LRRC66: variants seen among roughly 807,000 people sequenced by gnomAD.
LRRC66 encodes leucine rich repeat containing 66.
In LRRC66, 29 loss-of-function variants were observed where a neutral mutation model predicts 24.6. The observed-to-expected ratio is 1.18, with a 90% CI of 0.88 to 1.61. The LOEUF is 1.61. Ranked by LOEUF, LRRC66 falls within the 40% of genes most tolerant of loss-of-function variation. LRRC66 has a pLI of 0.00. For synonymous variants in LRRC66, 411 were observed against 397.6 expected (o/e 1.03, Z -0.40); for missense variants, 1,124 against 1,058.0 (o/e 1.06, Z -0.87).
intron 2 of LRRC66, among the ~76,000 whole-genome samples, chr4:52,009,962 A>C (rs1736664112): frequency 6.6e-6 from 1 of 152,200 alleles, no homozygotes; most frequent in South Asian, 2.1e-4. Context: ...AATTGAATCC[A>C]AAATATATAA....
In LRRC66 at chr4:52,013,427, G is replaced by C. The variant is rs116139447; in HGVS notation, c.496+3691C>G. Among the ~76,000 whole-genome samples the C allele has an allele frequency of 8.2e-3, 1,249 of 152,270 alleles. 7 individuals carry two copies. The highest frequency in any genetic ancestry group is 0.013 in the Non-Finnish European group (915 of 68,014). On this transcript the variant is annotated intron_variant, in intron 2 of 4. Transcript: ENST00000682860. ...GGAATCCCAACAAGATGTTGTTCCT[G>C]CTGCATTTCCAGTTACTCTGTGAGC... is the stretch of plus-strand genomic sequence containing the variant.
intron 2 of LRRC66, among the ~76,000 whole-genome samples, chr4:52,009,732 T>G (rs1015013558): frequency 2.0e-5 from 3 of 152,136 alleles, no homozygotes; most frequent in Non-Finnish European, 4.4e-5. Context: ...CCTGTTCAGA[T>G]AGCTTCACTG....
chr4:52,003,491 A>G, intron 2 of LRRC66, 99 bp from the exon 3 acceptor site: 1 of 978,208 alleles, frequency 1.0e-6, no homozygotes, highest in Non-Finnish European at 1.5e-6. Context: ...AAGAGTTCTC[A>G]ATTGAGGTAT....
intron 2 of LRRC66, among the ~76,000 whole-genome samples, chr4:52,015,119 G>A (rs1578118853): frequency 6.6e-6 from 1 of 152,128 alleles, no homozygotes; most frequent in Middle Eastern, 3.4e-3. Flanking sequence ...CTTGTGGTGG[G>A]GTAATATTTT....
At chr4:52,011,743 G>A (rs1178881323) in intron 2 of LRRC66, among the ~76,000 whole-genome samples, 1 of 152,164 alleles carries the variant, frequency 6.6e-6, no homozygotes, top group Non-Finnish European at 1.5e-5. Flanking sequence ...TTATAGTCTT[G>A]ATGCACACTG....
chr4:51,995,170 TCTGCGAGTC>T lies in LRRC66; in HGVS notation c.1843_1851del (p.Asp615_Gln617del), dbSNP rs1265842212. 1 of 1,614,236 alleles carries T rather than the reference TCTGCGAGTC, an allele frequency of 6.2e-7. No individual in the cohort carries two copies. The highest frequency in any genetic ancestry group is 1.7e-5 in the Admixed American group (1 of 60,022). On this transcript the variant is annotated inframe_deletion, in exon 5 of 5. Coordinates refer to ENST00000682860, the MANE Select transcript of LRRC66 (RefSeq NM_001024611.3). ...ACTTGCCTTTCCTTAGAAAATTCCA[TCTGCGAGTC>T]CCAAAGTGACTGTTCAGTGCCCCCT...
rs531895592 is a variant in LRRC66, at chr4:51,995,043, T to G, written c.1979A>C (p.Asp660Ala). ...GACTGATGGGCCTGTGTCTCTTGGG[T>G]CACCGTATGGAACCTCGCTGTAGTG... ...SAHYSEVPYGDPRDTGPSVFP... is the reference protein window; with the variant it reads ...SAHYSEVPYGAPRDTGPSVFP... The change falls in exon 5 of 5, where the codon GAC becomes GCC. Residue 660 changes from aspartate (D) to alanine (A), a missense_variant. Physicochemically the swap from Asp to Ala is moderately radical, Grantham distance 126. Coordinates refer to ENST00000682860, the MANE Select transcript of LRRC66 (RefSeq NM_001024611.3). The G allele has an allele frequency of 6.2e-7, 1 of 1,614,076 alleles. No homozygotes were observed. The highest frequency in any genetic ancestry group is 1.3e-5 in the African/African-American group (1 of 75,032).
rs965046799 is a variant in LRRC66, at chr4:51,995,822, A to G, written c.1200T>C (p.Tyr400=). 1 of 1,614,060 alleles carries G rather than the reference A, an allele frequency of 6.2e-7. No homozygotes were observed. The highest frequency in any genetic ancestry group is 8.5e-7 in the Non-Finnish European group (1 of 1,180,036). The change falls in exon 5 of 5, where the codon TAT becomes TAC. Residue 400 remains tyrosine (Y), a synonymous_variant. Transcript: ENST00000682860. The part of the protein sequence containing the change: ...AFSLGAFTRP[Y]VDRLWQKKCQ... The stretch of plus-strand genomic sequence containing the variant: ...ACTTTTTTTGCCACAGTCTGTCAAC[A>G]TAAGGCCTTGTGAAAGCCCCCAGGC...
At position 51,994,836 on chromosome 4, in the gene LRRC66, A is replaced by T. The variant is rs1560555162; in HGVS notation, c.2186T>A (p.Val729Glu). 6.2e-7 allele frequency: 1 copy of T among 1,614,204 alleles called. No individual in the cohort carries two copies. Among genetic ancestry groups the T allele is most frequent in the East Asian group, 2.2e-5 (1 of 44,870 alleles). ...GTCCTGCAGGGACTCCTCATCAGGC[A>T]CTGCCTCTTCAGTCTTGCTCCTTGC... is the stretch of plus-strand genomic sequence containing the variant. The part of the protein sequence containing the change: ...ESARSKTEEA[V>E]PDEESLQDES... Residue 729 changes from valine to glutamate, a missense_variant, in exon 5 of 5, where the codon GTG (valine) becomes GAG (glutamate). Physicochemically the swap from Val to Glu is moderately radical, Grantham distance 121. Transcript: ENST00000682860.
At chr4:52,018,641 G>GT in intron 1 of LRRC66, 1 of 954,566 alleles carries the variant, frequency 1.0e-6, no homozygotes, top group Non-Finnish European at 1.2e-6. Flanking sequence ...CTACAATAAC[G>GT]TATTTCCTAT....
At chr4:52,019,094 C>T (rs1399200417) in intron 1 of LRRC66, among the ~76,000 whole-genome samples, 2 of 152,186 alleles carry the variant, frequency 1.3e-5, no homozygotes, top group East Asian at 3.9e-4. Context: ...AGGCTGGTCT[C>T]GAACTCCTGA....
At position 52,017,303 on chromosome 4, in the gene LRRC66, G is replaced by A; in HGVS notation, c.311C>T (p.Pro104Leu). 6.2e-7 allele frequency: 1 copy of A among 1,614,082 alleles called. No individual in the cohort carries two copies. The highest frequency in any genetic ancestry group is 8.5e-7 in the Non-Finnish European group (1 of 1,179,988). The change falls in exon 2 of 5, where the codon CCT becomes CTT. Residue 104 changes from proline to leucine, a missense_variant. Coordinates refer to ENST00000682860, the MANE Select transcript of LRRC66 (RefSeq NM_001024611.3). The stretch of plus-strand genomic sequence containing the variant: ...TTCCAAAGCATGTAAATATGCAAAA[G>A]GGCTTAAGGTTATTTTTGATATGAG... ...NNLISKITLS[P>L]FAYLHALEVL...
chr4:51,997,060 C>T (rs1178508066), intron 4 of LRRC66, among the ~76,000 whole-genome samples: 1 of 152,170 alleles, frequency 6.6e-6, no homozygotes, highest in Non-Finnish European at 1.5e-5. Context: ...AATGGCAGTC[C>T]TGAATAGAAC....
Position 52,007,599 on chromosome 4 carries a change from C to A in LRRC66, c.497-4207G>T, listed in dbSNP as rs139607609. ...AATTGAGATATGTCTTTGATTACTA[C>A]GATCTTCAAGCTTTTGGAGTCCAGT... On this transcript the variant is annotated intron_variant, in intron 2 of 4. Coordinates refer to ENST00000682860, the MANE Select transcript of LRRC66 (RefSeq NM_001024611.3). 8.0e-3 allele frequency among the ~76,000 whole-genome samples: 1,212 copies of A among 152,270 alleles called. 11 individuals are homozygous for A. The highest frequency in any genetic ancestry group is 0.024 in the Middle Eastern group (7 of 294).
intron 3 of LRRC66, 33 bp downstream of exon 3, chr4:52,003,190 C>T: frequency 6.5e-7 from 1 of 1,549,958 alleles, no homozygotes. Context: ...ATGTGTCTTC[C>T]TTATTCAAAT....
chr4:52,018,512 A>C (rs1459885034), intron 1 of LRRC66: 1 of 985,392 alleles, frequency 1.0e-6, no homozygotes, highest in Admixed American at 6.1e-5. Flanking sequence ...AATGGCACTC[A>C]GTTTAGTTTT....
intron 2 of LRRC66, among the ~76,000 whole-genome samples, chr4:52,006,072 T>C (rs2030333): frequency 0.34 from 51,186 of 152,058 alleles, 9,560 homozygotes; most frequent in East Asian, 0.6. Context: ...CTAAAATATC[T>C]CAGTGCTTAA....
chr4:52,016,346 T>A (rs1236517188), intron 2 of LRRC66, among the ~76,000 whole-genome samples: 2 of 152,172 alleles, frequency 1.3e-5, no homozygotes, highest in African/African-American at 4.8e-5. Context: ...TTGAATAATG[T>A]CTTATATAAA....
chr4:52,011,109 T>TA (rs760362496), intron 2 of LRRC66, among the ~76,000 whole-genome samples: 2 of 152,298 alleles, frequency 1.3e-5, no homozygotes, highest in Non-Finnish European at 2.9e-5. Context: ...TGACAGACAT[T>TA]ACACTTAGTA....
Sources: gnomAD v4.1 joint callset for allele counts (sites outside exome capture counted in the v4.1 genomes callset) on GRCh38, gnomAD v4.1.1 for gene constraint, MANE v1.5 for transcripts, NCBI Gene and HGNC (gene_info 2026-07-23, HGNC 2026-07-21) for gene names.